The following LRMDA variants were observed in gnomAD, a reference collection of about 807,000 sequenced individuals.
LRMDA encodes leucine-rich melanocyte differentiation-associated protein.
LRMDA carries 18 observed loss-of-function variants against 29.8 expected under a neutral mutation model. The observed-to-expected ratio is 0.60, with a 90% CI of 0.42 to 0.90. The LOEUF (loss-of-function observed/expected upper bound fraction) is 0.90, where lower values mean the gene tolerates loss of function less well. LRMDA is among the 40% of genes least tolerant of loss of function. LRMDA has a pLI of 0.00. For missense variants in LRMDA, 273 were observed against 273.9 expected (o/e 1.00, Z 0.02); for synonymous variants, 125 against 109.4 (o/e 1.14, Z -0.89).
intron 2 of LRMDA, among the ~76,000 whole-genome samples, chr10:75,839,684 G>A (rs1258316153): frequency 6.8e-6 from 1 of 147,768 alleles, no homozygotes; most frequent in African/African-American, 2.5e-5. Context: ...CTACTCCTTA[G>A]GATGCATCCG....
chr10:76,236,685 G>A lies in LRMDA; in HGVS notation c.517-87716G>A, dbSNP rs1852158309. ...AAACTTCTTTTTCTGCTGCAACCCA[G>A]CATCTTGGTGTATTGACTTGCCATG... On this transcript the variant is annotated intron_variant, in intron 5 of 6. Transcript: ENST00000611255. Among the ~76,000 whole-genome samples the A allele has an allele frequency of 2.0e-5, 3 of 152,116 alleles. No homozygotes were observed. In the South Asian group the frequency reaches 6.2e-4, roughly 32 times the overall value.
chr10:75,918,310 C>G (rs1845968755), intron 2 of LRMDA, among the ~76,000 whole-genome samples: 1 of 151,926 alleles, frequency 6.6e-6, no homozygotes, highest in Admixed American at 6.6e-5. Context: ...TTAAAAAGAG[C>G]CTTAGTTGGC....
chr10:75,506,969 T>C (rs1262195452), intron 2 of LRMDA, among the ~76,000 whole-genome samples: 2 of 152,236 alleles, frequency 1.3e-5, no homozygotes, highest in South Asian at 2.1e-4. Context: ...CTTGGGGCCC[T>C]TGGGGAGAGT....
At chr10:75,796,560 G>T (rs1843657132) in intron 2 of LRMDA, among the ~76,000 whole-genome samples, 1 of 152,056 alleles carries the variant, frequency 6.6e-6, no homozygotes, top group Non-Finnish European at 1.5e-5. Flanking sequence ...TATATTTCTG[G>T]ATACAATTTG....
intron 5 of LRMDA, among the ~76,000 whole-genome samples, chr10:76,109,505 C>A (rs1849541523): frequency 6.6e-6 from 1 of 152,180 alleles, no homozygotes; most frequent in African/African-American, 2.4e-5. Context: ...CAGTAATTCC[C>A]ATCAGGTTTT....
intron 2 of LRMDA, among the ~76,000 whole-genome samples, chr10:75,631,592 CA>C (rs1841324318): frequency 6.6e-6 from 1 of 151,992 alleles, no homozygotes; most frequent in Non-Finnish European, 1.5e-5. Flanking sequence ...TGTTGCTTTC[CA>C]AACTCCTGTG....
chr10:76,434,610 C>T (rs1030037097), intron 6 of LRMDA, among the ~76,000 whole-genome samples: 5 of 152,168 alleles, frequency 3.3e-5, no homozygotes, highest in Admixed American at 1.3e-4. Context: ...TCCATCTGTC[C>T]ATCCATCCAT....
At chr10:75,462,359 A>C (rs1844596328) in intron 2 of LRMDA, among the ~76,000 whole-genome samples, 1 of 152,230 alleles carries the variant, frequency 6.6e-6, no homozygotes, top group Non-Finnish European at 1.5e-5. Context: ...CCTTTACATC[A>C]GCGGCAGGTG....
intron 6 of LRMDA, among the ~76,000 whole-genome samples, chr10:76,506,195 G>T (rs888038526): frequency 2.0e-5 from 3 of 152,148 alleles, no homozygotes; most frequent in African/African-American, 7.2e-5. Context: ...TGACAGCAGT[G>T]CTTCCTGACT....
At chr10:75,809,442 G>A (rs1242931750) in intron 2 of LRMDA, among the ~76,000 whole-genome samples, 8 of 151,992 alleles carry the variant, frequency 5.3e-5, no homozygotes, top group Non-Finnish European at 7.4e-5. Flanking sequence ...TCAGGAGTTC[G>A]AGACCAGCTG....
At chr10:76,272,992 C>G (rs939161110) in intron 5 of LRMDA, among the ~76,000 whole-genome samples, 18 of 152,126 alleles carry the variant, frequency 1.2e-4, no homozygotes, top group African/African-American at 4.3e-4. Context: ...ATTCAAGATG[C>G]GATTTGGGTG....
intron 5 of LRMDA, among the ~76,000 whole-genome samples, chr10:76,224,865 C>A (rs990620668): frequency 2.0e-5 from 3 of 151,678 alleles, no homozygotes; most frequent in Non-Finnish European, 4.4e-5. Flanking sequence ...CTTCCTTGTC[C>A]CCCTACCCCT....
chr10:76,327,385 C>G (rs1840849124), intron 6 of LRMDA, among the ~76,000 whole-genome samples: 1 of 152,170 alleles, frequency 6.6e-6, no homozygotes, highest in African/African-American at 2.4e-5. Flanking sequence ...GCCACCACGC[C>G]CAGCCTCATC....
At chr10:75,876,556 A>G (rs1001725077) in intron 2 of LRMDA, among the ~76,000 whole-genome samples, 1 of 152,212 alleles carries the variant, frequency 6.6e-6, no homozygotes, top group African/African-American at 2.4e-5. Flanking sequence ...AGACTTCTGC[A>G]TAAGAGGTTA....
intron 2 of LRMDA, among the ~76,000 whole-genome samples, chr10:75,815,548 C>A (rs767705668): frequency 6.6e-6 from 1 of 152,102 alleles, no homozygotes; most frequent in African/African-American, 2.4e-5. Flanking sequence ...CATTTAAGAC[C>A]TAGTAAATGG....
intron 3 of LRMDA, among the ~76,000 whole-genome samples, chr10:76,046,040 G>A (rs913036348): frequency 5.3e-5 from 8 of 152,142 alleles, no homozygotes; most frequent in African/African-American, 1.9e-4. Context: ...AGTCTTTCAC[G>A]CTTGCATATG....
intron 5 of LRMDA, among the ~76,000 whole-genome samples, chr10:76,116,070 G>A (rs1033847627): frequency 6.6e-6 from 1 of 152,158 alleles, no homozygotes; most frequent in Non-Finnish European, 1.5e-5. Context: ...ATGGGATGGG[G>A]CCACTGCAGG....
At chr10:75,621,863 A>C (rs1589137802) in intron 2 of LRMDA, among the ~76,000 whole-genome samples, 1 of 152,284 alleles carries the variant, frequency 6.6e-6, no homozygotes, top group South Asian at 2.1e-4. Context: ...CTCTAGTAGA[A>C]AGATAAAATG....
rs536884455 is a variant in LRMDA, at chr10:75,923,206, T to A, written c.132-112802T>A. Among the ~76,000 whole-genome samples, 6 of 152,348 alleles carry A rather than the reference T, an allele frequency of 3.9e-5. No homozygotes were observed. The South Asian group carries it at 1.2e-3, about 32-fold the overall frequency. On this transcript the variant is annotated intron_variant, in intron 2 of 6. Transcript: ENST00000611255. ...TTGCGGCTTATTTAAATACTGACTG[T>A]ATTGGAAAAATTAAAATTATGGTAT... is the stretch of plus-strand genomic sequence containing the variant.
Sources: allele counts gnomAD v4.1 joint callset (sites outside exome capture counted in the v4.1 genomes callset), GRCh38; gene constraint gnomAD v4.1.1; transcripts MANE v1.5; gene names NCBI Gene and HGNC (gene_info 2026-07-23, HGNC 2026-07-21).